CRYBB1: variants seen among roughly 807,000 people sequenced by gnomAD.
The protein encoded by CRYBB1 is beta-crystallin B1.
A neutral mutation model predicts 29.5 loss-of-function variants in CRYBB1; 16 were observed. That is an observed-to-expected ratio of 0.54 (90% CI 0.37 to 0.82). The LOEUF (loss-of-function observed/expected upper bound fraction) is 0.82, where lower values mean the gene tolerates loss of function less well. CRYBB1 is among the 40% of genes least tolerant of loss of function. The pLI, the probability that CRYBB1 is intolerant of heterozygous loss-of-function variation, is 0.00. For missense variants in CRYBB1, 300 were observed against 350.5 expected (o/e 0.86, Z 1.15); for synonymous variants, 127 against 136.7 (o/e 0.93, Z 0.49).
chr22:26,599,802 A>G (rs1370814382), intron 5 of CRYBB1, 129 bp from the exon 6 acceptor site: 3 of 771,142 alleles, frequency 3.9e-6, no homozygotes, highest in Non-Finnish European at 6.8e-6. Context: ...TGTCCTGGCT[A>G]TATCCCTTCC....
chr22:26,612,702 G>T (rs1469565275), intron 2 of CRYBB1, among the ~76,000 whole-genome samples: 2 of 152,204 alleles, frequency 1.3e-5, no homozygotes, highest in Admixed American at 1.3e-4. Flanking sequence ...AGGAACTTAT[G>T]AACCTCCCTT....
intron 3 of CRYBB1, among the ~76,000 whole-genome samples, chr22:26,610,120 T>A (rs1929111738): frequency 6.6e-6 from 1 of 152,218 alleles, no homozygotes; most frequent in African/African-American, 2.4e-5. Flanking sequence ...TTTAAATGTT[T>A]ATATCTATGC....
intron 4 of CRYBB1, among the ~76,000 whole-genome samples, chr22:26,602,697 C>T (rs1264192975): frequency 2.0e-5 from 3 of 152,110 alleles, no homozygotes; most frequent in African/African-American, 7.2e-5. Flanking sequence ...AGGGGCAGAA[C>T]CTTTCAGAGA....
At chr22:26,615,522 CTT>C (rs367900964) in intron 2 of CRYBB1, among the ~76,000 whole-genome samples, 6 of 146,956 alleles carry the variant, frequency 4.1e-5, no homozygotes, top group Admixed American at 1.4e-4. Context: ...CTATTCTTTT[CTT>C]TTTTTTTTTG....
chr22:26,615,805 C>T (rs552294516), intron 2 of CRYBB1, among the ~76,000 whole-genome samples: 4 of 152,286 alleles, frequency 2.6e-5, no homozygotes, highest in African/African-American at 7.2e-5. Context: ...TGAGCCACTG[C>T]GCCCGGCCCC....
At chr22:26,616,457 A>T (rs1929359238) in intron 1 of CRYBB1, 119 bp from the exon 2 acceptor site, 1 of 726,148 alleles carries the variant, frequency 1.4e-6, no homozygotes, top group African/African-American at 1.7e-5. Context: ...TCCTTCTGAA[A>T]CGGTTAAGCC....
chr22:26,617,679 C>G (rs888462436), intron 1 of CRYBB1, among the ~76,000 whole-genome samples: 8 of 152,166 alleles, frequency 5.3e-5, no homozygotes, highest in African/African-American at 1.7e-4. Flanking sequence ...GCCTATCTGC[C>G]TGTCTGTTTC....
At chr22:26,611,475 T>TG (rs1441296841) in intron 3 of CRYBB1, among the ~76,000 whole-genome samples, 1 of 150,058 alleles carries the variant, frequency 6.7e-6, no homozygotes, top group African/African-American at 2.4e-5. Flanking sequence ...TTTTGTTTTT[T>TG]TTTTTTTTTT....
intron 1 of CRYBB1, among the ~76,000 whole-genome samples, chr22:26,617,745 ATCTC>A (rs752915587): frequency 2.7e-5 from 4 of 148,198 alleles, no homozygotes; most frequent in African/African-American, 5.0e-5. Flanking sequence ...ATCTTTGCTT[ATCTC>A]TCTATCTGTC....
intron 1 of CRYBB1, among the ~76,000 whole-genome samples, chr22:26,617,130 GATGT>G (rs780125552): frequency 6.8e-4 from 103 of 152,290 alleles, no homozygotes; most frequent in South Asian, 1.9e-3. Context: ...GACCCAAGAG[GATGT>G]ATTTACTGCA....
chr22:26,599,673 T>C lies in CRYBB1; in HGVS notation c.576A>G (p.Thr192=), dbSNP rs1309985713. Residue 192 remains threonine (T), a splice_region_variant and synonymous_variant, in exon 6 of 6, where the codon ACA becomes ACG. Coordinates refer to ENST00000647684, the MANE Select transcript of CRYBB1 (RefSeq NM_001887.4). ...RVGSVKVSSG[T]WVGYQYPGYR... is the part of the protein sequence containing the mutation. ...AGCCAGGATACTGATAGCCAACCCA[T>C]CTGAGAGAAAAGTGAGAAGGACAGA... The C allele has an allele frequency of 1.2e-6, 2 of 1,613,762 alleles. No homozygotes were observed. The highest frequency in any genetic ancestry group is 1.3e-5 in the African/African-American group (1 of 74,930).
intron 3 of CRYBB1, among the ~76,000 whole-genome samples, 166 bp from the exon 4 acceptor site, chr22:26,608,187 C>T (rs1308734294): frequency 6.6e-6 from 1 of 152,230 alleles, no homozygotes; most frequent in African/African-American, 2.4e-5. Flanking sequence ...CTGACACTTA[C>T]AGGCTGTGTG....
intron 4 of CRYBB1, among the ~76,000 whole-genome samples, chr22:26,603,243 G>T (rs1928879810): frequency 6.6e-6 from 1 of 151,666 alleles, no homozygotes; most frequent in African/African-American, 2.4e-5. Context: ...GTAGAATGGG[G>T]TTATTGCCAG....
intron 4 of CRYBB1, among the ~76,000 whole-genome samples, chr22:26,603,633 G>A (rs1201590159): frequency 2.6e-5 from 4 of 151,934 alleles, no homozygotes; most frequent in Admixed American, 1.3e-4. Flanking sequence ...GGCCGGGCGC[G>A]GTGGCTCACG....
intron 1 of CRYBB1, 65 bp from the exon 2 acceptor site, chr22:26,616,403 C>T: frequency 9.2e-7 from 1 of 1,087,316 alleles, no homozygotes; most frequent in Non-Finnish European, 1.4e-6. Context: ...CATAGCCCCA[C>T]ATCCTGTGCT....
chr22:26,615,916 G>A (rs534663629), intron 2 of CRYBB1, among the ~76,000 whole-genome samples: 2 of 152,258 alleles, frequency 1.3e-5, no homozygotes, highest in East Asian at 1.9e-4. Flanking sequence ...GGAGGCCAAG[G>A]TGAGGGAAAA....
Position 26,599,461 on chromosome 22 carries a change from G to A in CRYBB1, c.*29C>T, listed in dbSNP as rs370110739. ...AAATAATTGAACATGAAGAAGGGTTGGGGCAAGGTAGCAGAGTGAGGTGTG... is the reference window on the plus strand; with the variant it reads ...AAATAATTGAACATGAAGAAGGGTTAGGGCAAGGTAGCAGAGTGAGGTGTG... On this transcript the variant is annotated 3_prime_UTR_variant, in exon 6 of 6. Transcript: ENST00000647684. 56 of 1,587,056 alleles carry A rather than the reference G, an allele frequency of 3.5e-5. No individual in the cohort carries two copies. In the African/African-American group the frequency reaches 7.4e-4, roughly 21 times the overall value.
chr22:26,603,644 C>T (rs1368100000), intron 4 of CRYBB1, among the ~76,000 whole-genome samples: 1 of 151,640 alleles, frequency 6.6e-6, no homozygotes, highest in Non-Finnish European at 1.5e-5. Flanking sequence ...GTGGCTCACG[C>T]CTGTAATCCC....
rs115499580 is a variant in CRYBB1 at position 26,614,771 on chromosome 22, C to T, written c.180+1369G>A. On this transcript the variant is annotated intron_variant, in intron 2 of 5. Transcript: ENST00000647684. ...CTTGGGGAGGCGGAGGCTAGGAGTT[C>T]GAGACCAGCCTGGATAATATGGCAA... 1.5e-3 allele frequency among the ~76,000 whole-genome samples: 234 copies of T among 152,168 alleles called. 2 individuals carry two copies. The highest frequency in any genetic ancestry group is 5.3e-3 in the African/African-American group (222 of 41,498).
Sources: allele counts gnomAD v4.1 joint callset (sites outside exome capture counted in the v4.1 genomes callset), GRCh38; gene constraint gnomAD v4.1.1; transcripts MANE v1.5; gene names NCBI Gene and HGNC (gene_info 2026-07-23, HGNC 2026-07-21).